The following RBBP7 variants were observed in gnomAD, a reference collection of about 807,000 sequenced individuals.
RBBP7 encodes RB binding protein 7, chromatin remodeling factor.
Under a neutral mutation model 35.2 loss-of-function variants are expected in RBBP7, and 5 were observed. The ratio of observed to expected loss-of-function variants is 0.14; its 90% CI spans 0.07 to 0.30. RBBP7 has a LOEUF of 0.30. Ranked by LOEUF, RBBP7 falls within the 10% of genes least tolerant of loss-of-function variation. The probability of loss-of-function intolerance (pLI) is 1.00; values close to 1 mark genes in which losing one functional copy is unlikely to be tolerated. For missense variants in RBBP7, 155 were observed against 327.5 expected (o/e 0.47, Z 4.07); for synonymous variants, 140 against 118.7 (o/e 1.18, Z -1.17).
Position 16,853,055 on chromosome X carries a change from G to C in RBBP7, c.759-180C>G, listed in dbSNP as rs1285703284. The C allele has an allele frequency of 2.8e-5, 18 of 652,483 alleles. No individual in the cohort carries two copies. In the South Asian group the frequency reaches 6.0e-4, roughly 22 times the overall value. The allele number at this position is 652,483 out of a possible 1,213,427, so 53.8% of individuals were successfully genotyped here. A position where few individuals can be genotyped will look rare whatever the true frequency, so the allele number is the denominator to read the frequency against. On this transcript the variant is annotated intron_variant, in intron 6 of 11. Transcript: ENST00000380087. Reference sequence around the variant, plus strand: ...AAATGATACATTCGAAACCTACAGAGAACAAGCTAGGGCTGTTAGTCCTGT... The same window carrying C: ...AAATGATACATTCGAAACCTACAGACAACAAGCTAGGGCTGTTAGTCCTGT...
chrX:16,856,150 C>T (rs1211691769), intron 5 of RBBP7, among the ~76,000 whole-genome samples: 1 of 110,670 alleles, frequency 9.0e-6, no homozygotes, highest in African/African-American at 3.3e-5. Flanking sequence ...AATTTGAATA[C>T]CTATTTCTCT....
intron 9 of RBBP7, among the ~76,000 whole-genome samples, chrX:16,851,326 A>AT (rs775189576): frequency 8.8e-4 from 98 of 111,693 alleles, no homozygotes; most frequent in Non-Finnish European, 1.7e-3. Flanking sequence ...TCAAAGCAAT[A>AT]TATTTAATAC....
rs751238570 is a variant in RBBP7, at chrX:16,870,074, C to T, written c.-21G>A. The T allele has an allele frequency of 6.4e-6, 7 of 1,085,820 alleles. No individual in the cohort carries two copies. The African/African-American group carries it at 7.7e-5, about 12-fold the overall frequency. The allele number at this position is 1,085,820 out of a possible 1,213,427, so 89.5% of individuals were successfully genotyped here. A position where few individuals can be genotyped will look rare whatever the true frequency, so the allele number is the denominator to read the frequency against. ...GCCATCTTGCGTCGGGTCGTTCGCCCCTCGCCGCCGCCTCGGACTCCTCTC... is the reference window on the plus strand; with the variant it reads ...GCCATCTTGCGTCGGGTCGTTCGCCTCTCGCCGCCGCCTCGGACTCCTCTC... On this transcript the variant is annotated 5_prime_UTR_variant, in exon 1 of 12. Coordinates refer to ENST00000380087, the MANE Select transcript of RBBP7 (RefSeq NM_002893.4).
Position 16,857,699 on chromosome X carries a change from T to C in RBBP7, c.492A>G (p.Gly164=). ...TTAATCTGAGATCAGGATTACATTCTCCACTTGGGTCTAAGAAAAGATGAA... is the reference window on the plus strand; with the variant it reads ...TTAATCTGAGATCAGGATTACATTCCCCACTTGGGTCTAAGAAAAGATGAA... ...TKHPAKPDPS[G]ECNPDLRLRG... Residue 164 remains glycine, a synonymous_variant, in exon 5 of 12, where the codon GGA becomes GGG. Coordinates refer to ENST00000380087, the MANE Select transcript of RBBP7 (RefSeq NM_002893.4). The C allele has an allele frequency of 8.4e-6, 10 of 1,192,447 alleles. No individual in the cohort carries two copies. The highest frequency in any genetic ancestry group is 1.0e-5 in the Non-Finnish European group (9 of 889,777).
intron 4 of RBBP7, among the ~76,000 whole-genome samples, chrX:16,858,010 T>A (rs1930388255): frequency 9.0e-6 from 1 of 111,603 alleles, no homozygotes; most frequent in Non-Finnish European, 1.9e-5. Context: ...CAGGTCTGGT[T>A]GCTCAGTCCT....
At chrX:16,845,200 A>AT in intron 11 of RBBP7, 97 bp from the exon 12 acceptor site, 1 of 595,806 alleles carries the variant, frequency 1.7e-6, no homozygotes, top group Non-Finnish European at 2.6e-6. Context: ...TAATAGTTTC[A>AT]TTTTTACATT....
chrX:16,857,838 A>G (rs1298983855), intron 4 of RBBP7, 129 bp from the exon 5 acceptor site: 9 of 941,409 alleles, frequency 9.6e-6, no homozygotes, highest in African/African-American at 2.1e-5. Context: ...TTAATACCCA[A>G]TGCAAATTGA....
At chrX:16,866,061 T>G (rs893199001) in intron 2 of RBBP7, among the ~76,000 whole-genome samples, 1 of 111,763 alleles carries the variant, frequency 8.9e-6, no homozygotes, top group African/African-American at 3.3e-5. Context: ...AGTAGGACAG[T>G]AAGGGATGTG....
At chrX:16,850,995 A>G (rs1371910593) in intron 9 of RBBP7, among the ~76,000 whole-genome samples, 2 of 110,191 alleles carry the variant, frequency 1.8e-5, no homozygotes, top group African/African-American at 6.6e-5. Context: ...CAGTGCTTGT[A>G]GACCTGTAGA....
intron 5 of RBBP7, among the ~76,000 whole-genome samples, chrX:16,854,741 C>G (rs1930304044): frequency 9.2e-6 from 1 of 108,624 alleles, no homozygotes; most frequent in South Asian, 4.1e-4. Flanking sequence ...CTCCTTGAAA[C>G]GTCAGCAGAG....
intron 10 of RBBP7, 75 bp downstream of exon 10, chrX:16,849,169 C>A: frequency 2.0e-6 from 2 of 1,001,385 alleles, no homozygotes; most frequent in East Asian, 3.2e-5. Context: ...AAGTTCTGAC[C>A]CATTCTCGAA....
intron 7 of RBBP7, 30 bp downstream of exon 7, chrX:16,852,719 A>G: frequency 8.2e-7 from 1 of 1,212,149 alleles, no homozygotes; most frequent in Non-Finnish European, 1.1e-6. Flanking sequence ...TGGGTTTTAT[A>G]AACACCAAAT....
rs1246767173 is a variant in RBBP7 at position 16,857,727 on chromosome X, A to G, written c.482-18T>C. 3.4e-6 allele frequency: 4 copies of G among 1,190,191 alleles called. No individual in the cohort carries two copies. The highest frequency in any genetic ancestry group is 4.5e-6 in the Non-Finnish European group (4 of 888,969). ...ACTTGGGTCTAAGAAAAGATGAAAA[A>G]CATTAAGTTATTCTCTGTTTATCAG... On this transcript the variant is annotated intron_variant, in intron 4 of 11. Transcript: ENST00000380087.
At chrX:16,869,640 A>T (rs774753075) in intron 1 of RBBP7, 1 of 1,147,406 alleles carries the variant, frequency 8.7e-7, no homozygotes, top group South Asian at 2.0e-5. Context: ...CTCGGCAGCC[A>T]TAGGCCTGAG....
chrX:16,856,414 C>T (rs1426665125), intron 5 of RBBP7, among the ~76,000 whole-genome samples: 1 of 110,937 alleles, frequency 9.0e-6, no homozygotes. Context: ...GCTGTAATCT[C>T]AGCTACTTGG....
At chrX:16,864,027 T>A (rs868073629) in intron 2 of RBBP7, among the ~76,000 whole-genome samples, 1 of 95,178 alleles carries the variant, frequency 1.1e-5, no homozygotes, top group Admixed American at 1.1e-4. Flanking sequence ...AAGGATTCAA[T>A]TTTTTTTTTT....
At chrX:16,849,960 A>G (rs1273154977) in intron 9 of RBBP7, among the ~76,000 whole-genome samples, 8 of 112,199 alleles carry the variant, frequency 7.1e-5, no homozygotes, top group Admixed American at 1.9e-4. Flanking sequence ...AGAATTTGCC[A>G]GTGCTCAACA....
intron 2 of RBBP7, among the ~76,000 whole-genome samples, chrX:16,866,649 AAG>A (rs1273657114): frequency 9.0e-6 from 1 of 110,913 alleles, no homozygotes; most frequent in East Asian, 2.8e-4. Flanking sequence ...GACAATAGCT[AAG>A]AAAGTCCAAG....
rs751896573 is a variant in RBBP7, at chrX:16,869,533, G to C, written c.17-313C>G. 4 of 1,166,848 alleles carry C rather than the reference G, an allele frequency of 3.4e-6. No homozygotes were observed. The South Asian group carries it at 7.6e-5, about 22-fold the overall frequency. On this transcript the variant is annotated intron_variant, in intron 1 of 11. Coordinates refer to ENST00000380087, the MANE Select transcript of RBBP7 (RefSeq NM_002893.4). ...CGACCTGTACGTACAGGGGCTGCGC[G>C]ACCCAGTCGGGAAGACAAATGCACG...
Sources: gnomAD v4.1 joint callset for allele counts (sites outside exome capture counted in the v4.1 genomes callset) on GRCh38, gnomAD v4.1.1 for gene constraint, MANE v1.5 for transcripts, NCBI Gene and HGNC (gene_info 2026-07-23, HGNC 2026-07-21) for gene names.